Variants in PLBD2 observed in about 807,000 individuals in gnomAD.
The protein encoded by PLBD2 is putative aminopeptidase PLBD2.
In PLBD2, 51 loss-of-function variants were observed where a neutral mutation model predicts 68.3. The ratio of observed to expected loss-of-function variants is 0.75; its 90% CI spans 0.60 to 0.94. PLBD2 has a LOEUF of 0.94. Ranked by LOEUF, PLBD2 falls within the 40% of genes least tolerant of loss-of-function variation. The pLI, the probability that PLBD2 is intolerant of heterozygous loss-of-function variation, is 0.00. For missense variants in PLBD2, 729 were observed against 792.2 expected, an observed-to-expected ratio of 0.92 and a Z score of 0.96; for synonymous variants, 314 against 339.3, an observed-to-expected ratio of 0.93 and a Z score of 0.82.
chr12:113,359,022 A>C, intron 1 of PLBD2, 132 bp downstream of exon 1: 1 of 1,032,850 alleles, frequency 9.7e-7, no homozygotes. Flanking sequence ...GCTACTCCCG[A>C]GGCTGCAGCA....
rs1957398138 is a variant in PLBD2 at position 113,372,563 on chromosome 12, G to A, written c.385-86G>A. 1.7e-5 allele frequency: 25 copies of A among 1,459,894 alleles called. No homozygotes were observed. In the Admixed American group the frequency reaches 1.8e-4, roughly 11 times the overall value. 90.4% of individuals were successfully genotyped at this position (1,459,894 alleles called of 1,614,324 possible). A position where few individuals can be genotyped will look rare whatever the true frequency, so the allele number is the denominator to read the frequency against. ...TCAGGTGGCCACACCAGCAGCCTCCGCTCTGGGGCAGCCTGGGTGGGGGGC... is the reference window on the plus strand; with the variant it reads ...TCAGGTGGCCACACCAGCAGCCTCCACTCTGGGGCAGCCTGGGTGGGGGGC... On this transcript the variant is annotated intron_variant, in intron 2 of 11. Coordinates refer to ENST00000280800, the MANE Select transcript of PLBD2 (RefSeq NM_173542.4). The surrounding 1 kb of genome is among the most constrained non-coding windows in gnomAD (Gnocchi z 4.2).
chr12:113,367,720 C>A, intron 1 of PLBD2, among the ~76,000 whole-genome samples: 1 of 144,832 alleles, frequency 6.9e-6, no homozygotes. Context: ...CGCTGCACTT[C>A]AGCCTGGGTG....
chr12:113,382,835 T>TTTGTGTGTG (rs1335785271), intron 6 of PLBD2, among the ~76,000 whole-genome samples: 2 of 106,608 alleles, frequency 1.9e-5, no homozygotes, highest in Admixed American at 1.1e-4. Context: ...TGGTGGTTTT[T>TTTGTGTGTG]TGTGTGTGTG....
Position 113,372,844 on chromosome 12 carries a change from C to A in PLBD2, c.543+37C>A. On this transcript the variant is annotated intron_variant, in intron 3 of 11. Transcript: ENST00000280800. This position sits in a 1 kb window ranked among gnomAD's most constrained non-coding sequence, Gnocchi z 4.2. ...TGCCACGCTTGGTGGGAGGGGGCTT[C>A]CAGCTGGCCAGCCATCCTGTCTCCT... 6.3e-7 allele frequency: 1 copy of A among 1,597,240 alleles called. No homozygotes were observed. Among genetic ancestry groups the A allele is most frequent in the South Asian group, 1.1e-5 (1 of 90,104 alleles).
intron 6 of PLBD2, among the ~76,000 whole-genome samples, chr12:113,381,403 T>C (rs1255112387): frequency 1.3e-5 from 2 of 151,982 alleles, no homozygotes; most frequent in South Asian, 2.1e-4. Context: ...TAGAAATCTG[T>C]CCCTGGCACC....
At chr12:113,363,609 G>A (rs549390452) in intron 1 of PLBD2, among the ~76,000 whole-genome samples, 8 of 150,924 alleles carry the variant, frequency 5.3e-5, no homozygotes, top group Non-Finnish European at 3.0e-5. Context: ...GCGATTTCGG[G>A]TCGCTGCAAG....
chr12:113,370,402 A>G (rs1957378437), intron 2 of PLBD2, among the ~76,000 whole-genome samples: 1 of 151,608 alleles, frequency 6.6e-6, no homozygotes, highest in South Asian at 2.1e-4. Context: ...ATCATGCTTC[A>G]TAACTTAGAA....
At chr12:113,361,469 A>G (rs1957296674) in intron 1 of PLBD2, among the ~76,000 whole-genome samples, 1 of 150,448 alleles carries the variant, frequency 6.6e-6, no homozygotes, top group Non-Finnish European at 1.5e-5. Context: ...CCTCCCAAGT[A>G]GCTGGGACTA....
At chr12:113,381,826 TA>T (rs1957493650) in intron 6 of PLBD2, among the ~76,000 whole-genome samples, 2 of 152,182 alleles carry the variant, frequency 1.3e-5, no homozygotes, top group South Asian at 2.1e-4. Context: ...ATTATTTATT[TA>T]TTTTTTTTCA....
At chr12:113,360,185 T>C (rs1957278406) in intron 1 of PLBD2, among the ~76,000 whole-genome samples, 1 of 151,812 alleles carries the variant, frequency 6.6e-6, no homozygotes, top group Middle Eastern at 3.4e-3. Context: ...GGGGCACTGG[T>C]TGGGGTAAAT....
chr12:113,384,391 T>G lies in PLBD2; in HGVS notation c.1118+126T>G. ...CACACACCCCACGCCCTCCTTTGTT[T>G]CATACATGGGGAGACTGAGGCTAGG... On this transcript the variant is annotated intron_variant, in intron 7 of 11. Coordinates refer to ENST00000280800, the MANE Select transcript of PLBD2 (RefSeq NM_173542.4). The surrounding 1 kb of genome is among the most constrained non-coding windows in gnomAD (Gnocchi z 4.2). 2 of 1,237,346 alleles carry G rather than the reference T, an allele frequency of 1.6e-6. No homozygotes were observed. Among genetic ancestry groups the G allele is most frequent in the Non-Finnish European group, 2.2e-6 (2 of 906,042 alleles). 76.6% of individuals were successfully genotyped at this position (1,237,346 alleles called of 1,614,324 possible).
chr12:113,372,777 G>C lies in PLBD2; in HGVS notation c.513G>C (p.Glu171Asp). The part of the protein sequence containing the change: ...ANLEWMQEEM[E>D]SNPDSPYWHQ... ...TAGAGTGGATGCAGGAAGAGATGGA[G>C]TCAAACCCAGACTCACCTTACTGGC... The change falls in exon 3 of 12, where the codon GAG (glutamate) becomes GAC (aspartate). Residue 171 changes from glutamate (E) to aspartate (D), a missense_variant. Coordinates refer to ENST00000280800, the MANE Select transcript of PLBD2 (RefSeq NM_173542.4). The surrounding 1 kb of genome is among the most constrained non-coding windows in gnomAD (Gnocchi z 4.2). 6.2e-7 allele frequency: 1 copy of C among 1,613,846 alleles called. No individual in the cohort carries two copies. Among genetic ancestry groups the C allele is most frequent in the Non-Finnish European group, 8.5e-7 (1 of 1,180,016 alleles).
At chr12:113,383,463 C>A (rs1013547401) in intron 6 of PLBD2, among the ~76,000 whole-genome samples, 1 of 151,994 alleles carries the variant, frequency 6.6e-6, no homozygotes, top group East Asian at 2.0e-4. Flanking sequence ...TTATTTATTT[C>A]TTCTTTTGTT....
chr12:113,382,835 T>TTTTTGTGTGTGTGTGTGTG (rs1335785271), intron 6 of PLBD2, among the ~76,000 whole-genome samples: 3 of 106,534 alleles, frequency 2.8e-5, no homozygotes, highest in African/African-American at 1.2e-4. Context: ...TGGTGGTTTT[T>TTTTTGTGTGTGTGTGTGTG]TGTGTGTGTG....
Position 113,372,621 on chromosome 12 carries a change from C to CA in PLBD2, c.385-28_385-27insA. On this transcript the variant is annotated intron_variant, in intron 2 of 11. Coordinates refer to ENST00000280800, the MANE Select transcript of PLBD2 (RefSeq NM_173542.4). The surrounding 1 kb of genome is among the most constrained non-coding windows in gnomAD (Gnocchi z 4.2). Reference sequence around the variant, plus strand: ...GAAGAGAGCACCCCAGCTGCCCGCCCTTGCCTCGCCCACCCCCTACCCCAC... The same window carrying CA: ...GAAGAGAGCACCCCAGCTGCCCGCCCATTGCCTCGCCCACCCCCTACCCCAC... 6.2e-7 allele frequency: 1 copy of CA among 1,604,500 alleles called. No homozygotes were observed. The highest frequency in any genetic ancestry group is 8.5e-7 in the Non-Finnish European group (1 of 1,173,400).
intron 1 of PLBD2, among the ~76,000 whole-genome samples, chr12:113,359,102 C>G (rs116477958): frequency 0.013 from 1,906 of 152,362 alleles, 45 homozygotes; most frequent in African/African-American, 0.042. Context: ...TGGGGCCAGT[C>G]CCTTGCCTTC....
At position 113,389,473 on chromosome 12, in the gene PLBD2, C is replaced by T. The variant is rs1249312743; in HGVS notation, c.*847C>T. 1 of 152,402 alleles carries T rather than the reference C, an allele frequency of 6.6e-6. No individual in the cohort carries two copies. Among genetic ancestry groups the T allele is most frequent in the African/African-American group, 2.4e-5 (1 of 41,436 alleles). The allele number at this position is 152,402 out of a possible 1,614,324, so 9.4% of individuals were successfully genotyped here. On this transcript the variant is annotated 3_prime_UTR_variant, in exon 12 of 12. Transcript: ENST00000280800. The stretch of plus-strand genomic sequence containing the variant: ...TCTCCTCTCAGGTTTGGGTTCTGCG[C>T]CATCCCCCATGCAGCCTCCTGTGCA...
chr12:113,379,581 G>A (rs1365415294), intron 5 of PLBD2, among the ~76,000 whole-genome samples: 1 of 152,178 alleles, frequency 6.6e-6, no homozygotes, highest in Non-Finnish European at 1.5e-5. Context: ...GGTCACAGTA[G>A]CCCTGCTGCA....
In PLBD2 at chr12:113,387,826, C is replaced by A; in HGVS notation, c.1522C>A (p.Arg508Ser). 6.2e-7 allele frequency: 1 copy of A among 1,614,130 alleles called. No individual in the cohort carries two copies. The highest frequency in any genetic ancestry group is 1.1e-5 in the South Asian group (1 of 91,082). Reference protein sequence around the residue: ...QPNGENAISARSDLNPANGSY... With the variant: ...QPNGENAISASSDLNPANGSY... ...CAATGGGGAGAATGCTATCTCCGCC[C>A]GCTCCGACCTCAACCCGGCCAATGG... Residue 508 changes from arginine (R) to serine (S), a missense_variant, in exon 11 of 12, where the codon CGC (arginine) becomes AGC (serine). Coordinates refer to ENST00000280800, the MANE Select transcript of PLBD2 (RefSeq NM_173542.4).
Sources: allele counts gnomAD v4.1 joint callset (sites outside exome capture counted in the v4.1 genomes callset), GRCh38; gene constraint gnomAD v4.1.1; non-coding constraint Gnocchi (gnomAD v3.1); transcripts MANE v1.5; gene names NCBI Gene and HGNC (gene_info 2026-07-23, HGNC 2026-07-21).